The following GRIN2C variants were observed in gnomAD, a reference collection of about 807,000 sequenced individuals.
The protein encoded by GRIN2C is glutamate receptor ionotropic, NMDA 2C.
A neutral mutation model predicts 77.7 loss-of-function variants in GRIN2C; 64 were observed. That is an observed-to-expected ratio of 0.82 (90% CI 0.67 to 1.01). The LOEUF (loss-of-function observed/expected upper bound fraction) is 1.01, where lower values mean the gene tolerates loss of function less well. Ranked by LOEUF, GRIN2C falls within the 50% of genes least tolerant of loss-of-function variation. GRIN2C has a pLI of 0.00. For missense variants in GRIN2C, 1,549 were observed against 1,486.0 expected (o/e 1.04, Z -0.70); for synonymous variants, 792 against 643.4 (o/e 1.23, Z -3.49).
Position 74,842,133 on chromosome 17 carries a change from C to T in GRIN2C, c.*302G>A. ...TCAACCACAAGTTCCAGCCTCCATG[C>T]CCACAGCAGCCATGACCAGTAACTG... On this transcript the variant is annotated 3_prime_UTR_variant, in exon 13 of 13. Coordinates refer to ENST00000293190, the MANE Select transcript of GRIN2C (RefSeq NM_000835.6). 1 of 363,310 alleles carries T rather than the reference C, an allele frequency of 2.8e-6. No homozygotes were observed. The highest frequency in any genetic ancestry group is 5.0e-6 in the Non-Finnish European group (1 of 200,898). The allele number at this position is 363,310 out of a possible 1,614,324, so 22.5% of individuals were successfully genotyped here.
At chr17:74,844,191 C>A in intron 12 of GRIN2C, 85 bp downstream of exon 12, 1 of 1,564,364 alleles carries the variant, frequency 6.4e-7, no homozygotes, top group South Asian at 1.2e-5. Context: ...GGTTTTACCT[C>A]TGGAAATGGG....
At chr17:74,854,582 C>G (rs1180818258) in intron 2 of GRIN2C, 112 bp downstream of exon 2, 1 of 808,360 alleles carries the variant, frequency 1.2e-6, no homozygotes, top group African/African-American at 1.7e-5. Flanking sequence ...TGCCCTCAGC[C>G]CCCACCTCCC....
upstream of GRIN2C, among the ~76,000 whole-genome samples, chr17:74,861,077 C>A (rs924582398): frequency 6.6e-6 from 1 of 152,182 alleles, no homozygotes; most frequent in African/African-American, 2.4e-5. Flanking sequence ...AGCCCAGACT[C>A]CCCTGGTCCC....
At chr17:74,848,093 C>A in intron 7 of GRIN2C, 116 bp from the exon 8 acceptor site, 1 of 1,121,602 alleles carries the variant, frequency 8.9e-7, no homozygotes, top group Non-Finnish European at 1.3e-6. Flanking sequence ...ACCAGCTCTG[C>A]GGACCCAGCC....
Position 74,850,078 on chromosome 17 carries a change from T to A in GRIN2C, c.1491+128A>T. ...GCCCTCAGAGCTCAGCTTTCAGTAC[T>A]GACCACCCCAGGAGTCATCATTGGT... On this transcript the variant is annotated intron_variant, in intron 6 of 12. Coordinates refer to ENST00000293190, the MANE Select transcript of GRIN2C (RefSeq NM_000835.6). This position sits in a 1 kb window ranked among gnomAD's most constrained non-coding sequence, Gnocchi z 5.3. The A allele has an allele frequency of 7.4e-7, 1 of 1,345,476 alleles. No individual in the cohort carries two copies. Among genetic ancestry groups the A allele is most frequent in the South Asian group, 1.3e-5 (1 of 76,956 alleles). The allele number at this position is 1,345,476 out of a possible 1,614,324, so 83.3% of individuals were successfully genotyped here. A position where few individuals can be genotyped will look rare whatever the true frequency, so the allele number is the denominator to read the frequency against.
rs2037508650 is a variant in GRIN2C at position 74,847,757 on chromosome 17, C to T, written c.1771+95G>A. On this transcript the variant is annotated intron_variant, in intron 8 of 12. Transcript: ENST00000293190. This position sits in a 1 kb window ranked among gnomAD's most constrained non-coding sequence, Gnocchi z 5.2. ...CATGTGCCATCCAAAAGCAAGGGACCTCCCAAAGGTATTCTCTGAAGGACC... is the reference window on the plus strand; with the variant it reads ...CATGTGCCATCCAAAAGCAAGGGACTTCCCAAAGGTATTCTCTGAAGGACC... 1 of 1,327,736 alleles carries T rather than the reference C, an allele frequency of 7.5e-7. No homozygotes were observed. Among genetic ancestry groups the T allele is most frequent in the Non-Finnish European group, 1.1e-6 (1 of 941,426 alleles). 82.2% of individuals were successfully genotyped at this position (1,327,736 alleles called of 1,614,324 possible).
In GRIN2C at chr17:74,847,833, G is replaced by A. The variant is rs766674879; in HGVS notation, c.1771+19C>T. On this transcript the variant is annotated intron_variant, in intron 8 of 12. Coordinates refer to ENST00000293190, the MANE Select transcript of GRIN2C (RefSeq NM_000835.6). This position sits in a 1 kb window ranked among gnomAD's most constrained non-coding sequence, Gnocchi z 5.2. ...GGTGCCCAGGCCCACCCCTCCTGCC[G>A]GGCCCAGGCAAGGCTTACTCTTGCC... 40 of 1,613,520 alleles carry A rather than the reference G, an allele frequency of 2.5e-5. No individual in the cohort carries two copies. The highest frequency in any genetic ancestry group is 3.3e-5 in the South Asian group (3 of 91,062).
rs997733720 is a variant in GRIN2C, at chr17:74,846,957, C to A, written c.2002-37G>T. 8.8e-6 allele frequency: 14 copies of A among 1,582,130 alleles called. No homozygotes were observed. In the African/African-American group the frequency reaches 1.1e-4, roughly 12 times the overall value. Reference sequence around the variant, plus strand: ...GGGCAGCAGCCAGTCACAACCCTTCCTCCAGCCTTCCAGGCACCAAAGCCC... The same window carrying A: ...GGGCAGCAGCCAGTCACAACCCTTCATCCAGCCTTCCAGGCACCAAAGCCC... On this transcript the variant is annotated intron_variant, in intron 9 of 12. Transcript: ENST00000293190. This position sits in a 1 kb window ranked among gnomAD's most constrained non-coding sequence, Gnocchi z 4.4.
chr17:74,843,115 TCCGCA>T lies in GRIN2C; in HGVS notation c.3017_3021del (p.Val1006AspfsTer271). The T allele has an allele frequency of 2.3e-6, 1 of 431,392 alleles. No individual in the cohort carries two copies. Among genetic ancestry groups the T allele is most frequent in the Non-Finnish European group, 4.1e-6 (1 of 243,968 alleles). The allele number at this position is 431,392 out of a possible 1,614,324, so 26.7% of individuals were successfully genotyped here. On this transcript the variant is annotated frameshift_variant, in exon 13 of 13. Coordinates refer to ENST00000293190, the MANE Select transcript of GRIN2C (RefSeq NM_000835.6). LOFTEE classifies it low-confidence loss of function (END_TRUNC). ...GAGAGGTGCCTCCCGCAGTGCCCGG[TCCGCA>T]CCGGCCACCGCGCCTCCCAGGCTGG...
chr17:74,858,187 T>C (rs2037865402), intron 1 of GRIN2C, among the ~76,000 whole-genome samples: 1 of 152,110 alleles, frequency 6.6e-6, no homozygotes, highest in Admixed American at 6.5e-5. Context: ...AGTCAAGACC[T>C]TTTCTTAGCC....
In GRIN2C at chr17:74,847,680, G is replaced by A. The variant is rs531537901; in HGVS notation, c.1772-143C>T. The A allele has an allele frequency of 1.2e-6, 1 of 852,482 alleles. No individual in the cohort carries two copies. The highest frequency in any genetic ancestry group is 2.2e-5 in the Admixed American group (1 of 45,552). 52.8% of individuals were successfully genotyped at this position (852,482 alleles called of 1,614,324 possible). ...CCTGGCCATTCCCTCGCCAGGTGAA[G>A]TGAGCTCACGTGTGTGTTTCTGTGT... On this transcript the variant is annotated intron_variant, in intron 8 of 12. Coordinates refer to ENST00000293190, the MANE Select transcript of GRIN2C (RefSeq NM_000835.6). The surrounding 1 kb of genome is among the most constrained non-coding windows in gnomAD (Gnocchi z 5.2).
chr17:74,854,633 C>T (rs780081170), intron 2 of GRIN2C, 61 bp downstream of exon 2: 7 of 1,463,432 alleles, frequency 4.8e-6, no homozygotes, highest in South Asian at 3.8e-5. Context: ...AACCAAAGCA[C>T]CCCCGACCCC....
intron 7 of GRIN2C, 131 bp from the exon 8 acceptor site, chr17:74,848,108 G>A (rs751152216): frequency 3.2e-6 from 3 of 948,460 alleles, no homozygotes; most frequent in Non-Finnish European, 3.2e-6. Flanking sequence ...CCAGCCAAGG[G>A]GGCCTCTGAC....
Position 74,842,189 on chromosome 17 carries a change from G to A in GRIN2C, c.*246C>T, listed in dbSNP as rs1353574307. 1 of 483,870 alleles carries A rather than the reference G, an allele frequency of 2.1e-6. No individual in the cohort carries two copies. Among genetic ancestry groups the A allele is most frequent in the Non-Finnish European group, 3.6e-6 (1 of 275,064 alleles). 30.0% of individuals were successfully genotyped at this position (483,870 alleles called of 1,614,324 possible). On this transcript the variant is annotated 3_prime_UTR_variant, in exon 13 of 13. Transcript: ENST00000293190. ...CCCCAGGGAAGGGAGAGCCTCAGGA[G>A]TCTGACCCCCACAGCACACCCTCCT...
At position 74,842,042 on chromosome 17, in the gene GRIN2C, A is replaced by C. The variant is rs2037301316; in HGVS notation, c.*393T>G. 1 of 205,138 alleles carries C rather than the reference A, an allele frequency of 4.9e-6. No individual in the cohort carries two copies. The highest frequency in any genetic ancestry group is 9.7e-6 in the Non-Finnish European group (1 of 102,902). The allele number at this position is 205,138 out of a possible 1,614,324, so 12.7% of individuals were successfully genotyped here. ...CCAGTGTGTTGTAAAAGGTTGGTTT[A>C]ATGTCCCAGTGCTCTGATGAGAAGA... On this transcript the variant is annotated 3_prime_UTR_variant, in exon 13 of 13. Transcript: ENST00000293190.
At chr17:74,860,125 T>C (rs543891028), upstream of GRIN2C, among the ~76,000 whole-genome samples, 24 of 152,088 alleles carry the variant, frequency 1.6e-4, no homozygotes, top group South Asian at 5.0e-3. Context: ...CCGGGGGCCC[T>C]GGGCGAACCC....
chr17:74,852,032 C>T lies in GRIN2C; in HGVS notation c.979G>A (p.Ala327Thr). ...GCCCACCTGTAGAAGGCCTCCCGGG[C>T]AGGGCTGACGGGCCCAGGGTGAACA... ...CRVHPGPVSP[A>T]REAFYRHLLN... Residue 327 changes from alanine (A) to threonine (T), a missense_variant, in exon 3 of 13, where the codon GCC (alanine) becomes ACC (threonine). By Grantham distance (58) the Ala-to-Thr change is moderately conservative (BLOSUM62 0). Coordinates refer to ENST00000293190, the MANE Select transcript of GRIN2C (RefSeq NM_000835.6). The T allele has an allele frequency of 6.8e-7, 1 of 1,464,784 alleles. No individual in the cohort carries two copies. Among genetic ancestry groups the T allele is most frequent in the East Asian group, 2.5e-5 (1 of 39,758 alleles). 90.7% of individuals were successfully genotyped at this position (1,464,784 alleles called of 1,614,324 possible). A position where few individuals can be genotyped will look rare whatever the true frequency, so the allele number is the denominator to read the frequency against.
Position 74,847,256 on chromosome 17 carries a change from T to A in GRIN2C, c.2001+52A>T. 2.0e-6 allele frequency: 2 copies of A among 1,001,240 alleles called. No individual in the cohort carries two copies. The highest frequency in any genetic ancestry group is 3.1e-6 in the Non-Finnish European group (2 of 646,676). The allele number at this position is 1,001,240 out of a possible 1,614,324, so 62.0% of individuals were successfully genotyped here. Reference sequence around the variant, plus strand: ...GTCCAGGGCCTGCCCACTCACGGCCTGTCCCCACCCTCAGTGCCCCCCCCC... The same window carrying A: ...GTCCAGGGCCTGCCCACTCACGGCCAGTCCCCACCCTCAGTGCCCCCCCCC... On this transcript the variant is annotated intron_variant, in intron 9 of 12. Coordinates refer to ENST00000293190, the MANE Select transcript of GRIN2C (RefSeq NM_000835.6). This position sits in a 1 kb window ranked among gnomAD's most constrained non-coding sequence, Gnocchi z 5.2.
At position 74,852,292 on chromosome 17, in the gene GRIN2C, G is replaced by T; in HGVS notation, c.719C>A (p.Ala240Glu). 2 of 1,423,490 alleles carry T rather than the reference G, an allele frequency of 1.4e-6. No homozygotes were observed. The highest frequency in any genetic ancestry group is 2.9e-5 in the East Asian group (1 of 33,978). 88.2% of individuals were successfully genotyped at this position (1,423,490 alleles called of 1,614,324 possible). The change falls in exon 3 of 13, where the codon GCG (alanine) becomes GAG (glutamate). Residue 240 changes from alanine (A) to glutamate (E), a missense_variant. Physicochemically the swap from Ala to Glu is moderately radical, Grantham distance 107 (BLOSUM62 -1). Around this residue, in one of 3 missense-constraint regions of GRIN2C, gnomAD observed 382 missense variants for 360.0 expected, o/e 1.06. Coordinates refer to ENST00000293190, the MANE Select transcript of GRIN2C (RefSeq NM_000835.6). Reference sequence around the variant, plus strand: ...GGGCCCCACCAGACCGGCCTGCGCCGCCTCGGCGAAGAGCACCTCGGCCTC... The same window carrying T: ...GGGCCCCACCAGACCGGCCTGCGCCTCCTCGGCGAAGAGCACCTCGGCCTC... ...REEAEVLFAE[A>E]AQAGLVGPGH...
Sources: allele counts gnomAD v4.1 joint callset (sites outside exome capture counted in the v4.1 genomes callset), GRCh38; gene constraint gnomAD v4.1.1; regional missense constraint gnomAD v4.1.1; non-coding constraint Gnocchi (gnomAD v3.1); transcripts MANE v1.5; gene names NCBI Gene and HGNC (gene_info 2026-07-23, HGNC 2026-07-21).